Variants in USP42 observed in about 807,000 individuals in gnomAD.
USP42 encodes the protein ubiquitin carboxyl-terminal hydrolase 42.
A neutral mutation model predicts 113.0 loss-of-function variants in USP42; 23 were observed. The ratio of observed to expected loss-of-function variants is 0.20; its 90% CI spans 0.15 to 0.29. The LOEUF is 0.29. Among genes scored for constraint, USP42 ranks in the 10% least tolerant of loss-of-function variants. USP42 has a pLI of 1.00. For synonymous variants in USP42, 933 were observed against 699.0 expected (o/e 1.33, Z -5.28); for missense variants, 2,174 against 1,779.8 (o/e 1.22, Z -3.99).
At chr7:6,125,570 C>T (rs933334156) in intron 3 of USP42, among the ~76,000 whole-genome samples, 1 of 152,136 alleles carries the variant, frequency 6.6e-6, no homozygotes, top group Non-Finnish European at 1.5e-5. Context: ...CCTTTCCCAT[C>T]TTTGTGCTAT....
At chr7:6,152,705 C>T (rs557387675) in intron 14 of USP42, among the ~76,000 whole-genome samples, 1 of 152,200 alleles carries the variant, frequency 6.6e-6, no homozygotes, top group African/African-American at 2.4e-5. Context: ...GCAGACAAGC[C>T]CAGGCCACAG....
At position 6,150,462 on chromosome 7, in the gene USP42, C is replaced by G. The variant is rs529503554; in HGVS notation, c.2157C>G (p.Thr719=). Residue 719 remains threonine (T), a synonymous_variant, in exon 14 of 18, where the codon ACC becomes ACG. Coordinates refer to ENST00000306177, the MANE Select transcript of USP42 (RefSeq NM_032172.3). ...TCCCAGAAGACAAAATCTTAGAGAC[C>G]TTCAGGCTTAGCAACAAACTGAAAG... The part of the protein sequence containing the change: ...LSLPEDKILE[T]FRLSNKLKGS... 12 of 1,613,820 alleles carry G rather than the reference C, an allele frequency of 7.4e-6. No individual in the cohort carries two copies. Among genetic ancestry groups the G allele is most frequent in the Middle Eastern group, 1.6e-4 (1 of 6,084 alleles).
chr7:6,153,601 T>C (rs189491432), intron 14 of USP42, among the ~76,000 whole-genome samples, 155 bp from the exon 15 acceptor site: 1 of 152,334 alleles, frequency 6.6e-6, no homozygotes, highest in African/African-American at 2.4e-5. Context: ...ACCTGCACAT[T>C]GTGCACATGT....
Position 6,153,938 on chromosome 7 carries a change from C to T in USP42, c.2384C>T (p.Ala795Val), listed in dbSNP as rs1782228869. 3.8e-6 allele frequency: 6 copies of T among 1,598,086 alleles called. No homozygotes were observed. Among genetic ancestry groups the T allele is most frequent in the Admixed American group, 1.7e-5 (1 of 58,776 alleles). Residue 795 changes from alanine to valine, a missense_variant, in exon 15 of 18, where the codon GCC becomes GTC. Coordinates refer to ENST00000306177, the MANE Select transcript of USP42 (RefSeq NM_032172.3). ...ATKEGAWEAM[A>V]VAPEEPPPSA... ...AAAGAAGGCGCCTGGGAGGCCATGGCCGTCGCCCCCGAGGAGCCTCCGCCC... is the reference window on the plus strand; with the variant it reads ...AAAGAAGGCGCCTGGGAGGCCATGGTCGTCGCCCCCGAGGAGCCTCCGCCC...
intron 7 of USP42, among the ~76,000 whole-genome samples, chr7:6,142,070 C>T (rs778272839): frequency 3.3e-5 from 5 of 152,100 alleles, no homozygotes; most frequent in Admixed American, 6.5e-5. Context: ...ATTTGGTTTG[C>T]TTCCAGTTTT....
intron 14 of USP42, among the ~76,000 whole-genome samples, chr7:6,151,691 C>T (rs1583678181): frequency 6.6e-6 from 1 of 152,224 alleles, no homozygotes; most frequent in South Asian, 2.1e-4. Flanking sequence ...CATCCACCCG[C>T]TGTGGCCTCC....
intron 1 of USP42, 129 bp from the exon 2 acceptor site, chr7:6,110,996 T>G (rs148382788): frequency 9.5e-4 from 878 of 921,300 alleles, no homozygotes; most frequent in Non-Finnish European, 1.2e-3. Context: ...ACTATTGTTT[T>G]TATATTTGAG....
chr7:6,102,184 C>T (rs1440883352), upstream of USP42, among the ~76,000 whole-genome samples: 4 of 144,416 alleles, frequency 2.8e-5, no homozygotes, highest in Admixed American at 1.4e-4. Context: ...GTCGCGATCT[C>T]GGCTCACTGC....
At chr7:6,112,264 T>G (rs1211641532) in intron 2 of USP42, among the ~76,000 whole-genome samples, 1 of 151,940 alleles carries the variant, frequency 6.6e-6, no homozygotes, top group Non-Finnish European at 1.5e-5. Context: ...GTCTGGCTAA[T>G]ATGGTGAAAC....
chr7:6,095,613 G>A, the USP42 span, among the ~76,000 whole-genome samples: 1 of 151,078 alleles, frequency 6.6e-6, no homozygotes, highest in Admixed American at 6.6e-5. Context: ...AGGTTGCAAT[G>A]AGCTGAGATT....
At chr7:6,104,311 T>A, upstream of USP42, among the ~76,000 whole-genome samples, 1 of 151,906 alleles carries the variant, frequency 6.6e-6, no homozygotes, top group African/African-American at 2.4e-5. Context: ...CTCGAACTCC[T>A]GACCTCGTGA....
intron 12 of USP42, 49 bp from the exon 13 acceptor site, chr7:6,149,530 TTGTG>T: frequency 6.5e-7 from 1 of 1,549,228 alleles, no homozygotes; most frequent in Non-Finnish European, 8.7e-7. Context: ...TGGGTTCTGT[TTGTG>T]TGACCATGTT....
chr7:6,094,652 G>T, the USP42 span, among the ~76,000 whole-genome samples: 3 of 151,212 alleles, frequency 2.0e-5, no homozygotes, highest in African/African-American at 7.4e-5. Context: ...TAAATTAAAT[G>T]AGCAGATGAT....
chr7:6,115,340 G>A lies in USP42; in HGVS notation c.259G>A (p.Ala87Thr), dbSNP rs768965958. The change falls in exon 3 of 18, where the codon GCT becomes ACT. Residue 87 changes from alanine to threonine, a missense_variant. Coordinates refer to ENST00000306177, the MANE Select transcript of USP42 (RefSeq NM_032172.3). ...QKDQALGDGI[A>T]PPQKVLFPSE... is the part of the protein sequence containing the mutation. ...TTTTCTAGCCCTAGGTGATGGCATCGCTCCTCCACAGAAAGTTCTTTTCCC... is the reference window on the plus strand; with the variant it reads ...TTTTCTAGCCCTAGGTGATGGCATCACTCCTCCACAGAAAGTTCTTTTCCC... The A allele has an allele frequency of 1.7e-5, 27 of 1,613,760 alleles. No individual in the cohort carries two copies. Among genetic ancestry groups the A allele is most frequent in the South Asian group, 5.5e-5 (5 of 91,082 alleles).
chr7:6,117,996 G>C (rs1372459775), intron 3 of USP42, among the ~76,000 whole-genome samples: 1 of 151,992 alleles, frequency 6.6e-6, no homozygotes, highest in East Asian at 1.9e-4. Context: ...ATGTAGGCTG[G>C]GATTTGTCTT....
At chr7:6,107,616 T>G (rs2128473941) in intron 1 of USP42, among the ~76,000 whole-genome samples, 1 of 151,984 alleles carries the variant, frequency 6.6e-6, no homozygotes, top group South Asian at 2.1e-4. Context: ...TCCATGTTGG[T>G]CAGGCTGGTC....
chr7:6,082,437 A>T, the USP42 span, among the ~76,000 whole-genome samples: 1 of 145,028 alleles, frequency 6.9e-6, no homozygotes, highest in Non-Finnish European at 1.5e-5. Flanking sequence ...CCGGGTGGGT[A>T]TTTATCCACC....
rs71008362 is a variant in USP42 at position 6,114,656 on chromosome 7, G to GTATATATATA, written c.242-653_242-644dup. 4.3e-3 allele frequency among the ~76,000 whole-genome samples: 259 copies of GTATATATATA among 60,448 alleles called. 10 individuals are homozygous for GTATATATATA. Among genetic ancestry groups the GTATATATATA allele is most frequent in the African/African-American group, 0.015 (193 of 12,526 alleles). 39.7% of individuals were successfully genotyped at this position (60,448 alleles called of 152,430 possible). ...TGTGTGTATATATGTATGTGTGTGT[G>GTATATATATA]TATATATATATATATATATATATTT... On this transcript the variant is annotated intron_variant, in intron 2 of 17. Transcript: ENST00000306177.
At position 6,134,984 on chromosome 7, in the gene USP42, T is replaced by C. The variant is rs1417656740; in HGVS notation, c.443-857T>C. 2.0e-5 allele frequency among the ~76,000 whole-genome samples: 3 copies of C among 152,002 alleles called. No homozygotes were observed. The East Asian group carries it at 5.8e-4, about 29-fold the overall frequency. On this transcript the variant is annotated intron_variant, in intron 3 of 17. Coordinates refer to ENST00000306177, the MANE Select transcript of USP42 (RefSeq NM_032172.3). The stretch of plus-strand genomic sequence containing the variant: ...TTTTTATTTTTTGTAGAGACAGGGT[T>C]TGACCATGTTGCCCAGGCTAGTCTC...
Sources: gnomAD v4.1 joint callset for allele counts (sites outside exome capture counted in the v4.1 genomes callset) on GRCh38, gnomAD v4.1.1 for gene constraint, MANE v1.5 for transcripts, NCBI Gene and HGNC (gene_info 2026-07-23, HGNC 2026-07-21) for gene names.